CABLES1: variants seen among roughly 807,000 people sequenced by gnomAD.
CABLES1 encodes Cdk5 and Abl enzyme substrate 1.
CABLES1 carries 36 observed loss-of-function variants against 57.8 expected under a neutral mutation model. The ratio of observed to expected loss-of-function variants is 0.62; its 90% confidence interval spans 0.48 to 0.82. CABLES1 has a LOEUF of 0.82. Ranked by LOEUF, CABLES1 falls within the 40% of genes least tolerant of loss-of-function variation. The probability of loss-of-function intolerance (pLI) is 0.00; values close to 1 mark genes in which losing one functional copy is unlikely to be tolerated. For synonymous variants in CABLES1, 374 were observed against 363.0 expected, an observed-to-expected ratio of 1.03 and a Z score of -0.35; for missense variants, 767 against 836.6, an observed-to-expected ratio of 0.92 and a Z score of 1.03.
intron 1 of CABLES1, among the ~76,000 whole-genome samples, chr18:23,163,586 A>T (rs1187471696): frequency 6.6e-6 from 1 of 151,994 alleles, no homozygotes; most frequent in African/African-American, 2.4e-5. Flanking sequence ...TGGGGAGAGG[A>T]TTGGAGGAGA....
intron 8 of CABLES1, 44 bp from the exon 9 acceptor site, chr18:23,253,685 C>G: frequency 6.4e-7 from 1 of 1,550,452 alleles, no homozygotes; most frequent in Non-Finnish European, 8.8e-7. Flanking sequence ...CACTGAAACT[C>G]TAAGTTTTCA....
chr18:23,176,730 C>T (rs542252979), intron 1 of CABLES1, among the ~76,000 whole-genome samples: 1 of 152,098 alleles, frequency 6.6e-6, no homozygotes, highest in Non-Finnish European at 1.5e-5. Context: ...TGAAAAACTC[C>T]TAGAAAATAA....
chr18:23,203,710 T>TA (rs202180954), intron 3 of CABLES1, among the ~76,000 whole-genome samples: 1,970 of 151,560 alleles, frequency 0.013, 23 homozygotes, highest in Admixed American at 0.024. Flanking sequence ...TTTCAAAAAA[T>TA]AAAACGGCTC....
intron 7 of CABLES1, among the ~76,000 whole-genome samples, chr18:23,237,777 A>G (rs2047638953): frequency 6.6e-6 from 1 of 152,064 alleles, no homozygotes; most frequent in African/African-American, 2.4e-5. Flanking sequence ...CCTGTGTGTA[A>G]TTTTGGTTTC....
intron 1 of CABLES1, 144 bp downstream of exon 1, chr18:23,136,751 A>C: frequency 2.0e-6 from 1 of 504,568 alleles, no homozygotes; most frequent in Non-Finnish European, 3.2e-6. Context: ...CCGAATCCCA[A>C]ACCACGAGGG....
intron 2 of CABLES1, among the ~76,000 whole-genome samples, 168 bp from the exon 3 acceptor site, chr18:23,194,279 TA>T (rs1041606308): frequency 1.8e-4 from 27 of 152,324 alleles, no homozygotes; most frequent in African/African-American, 6.3e-4. Context: ...GGGCCTTTTT[TA>T]AGCTTCCTTG....
chr18:23,214,363 A>C (rs1446777046), intron 4 of CABLES1: 1 of 226,764 alleles, frequency 4.4e-6, no homozygotes, highest in Non-Finnish European at 8.6e-6. Flanking sequence ...GGCCATGCCA[A>C]CCTTTGGAAA....
intron 1 of CABLES1, among the ~76,000 whole-genome samples, chr18:23,165,499 T>G (rs551350055): frequency 5.3e-5 from 8 of 152,282 alleles, no homozygotes; most frequent in African/African-American, 1.9e-4. Context: ...ACTGAAACTC[T>G]GTGCGGGTTA....
At chr18:23,189,868 G>A (rs749420990) in intron 2 of CABLES1, among the ~76,000 whole-genome samples, 1 of 152,214 alleles carries the variant, frequency 6.6e-6, no homozygotes, top group Non-Finnish European at 1.5e-5. Flanking sequence ...TGTAGGCTCC[G>A]CCTGCATGAA....
chr18:23,179,745 G>A (rs189142587), intron 1 of CABLES1, among the ~76,000 whole-genome samples: 2 of 152,204 alleles, frequency 1.3e-5, no homozygotes, highest in Non-Finnish European at 2.9e-5. Flanking sequence ...CTTTAGATCC[G>A]TGGACAACAA....
intron 7 of CABLES1, among the ~76,000 whole-genome samples, chr18:23,242,419 G>A (rs766311670): frequency 5.9e-5 from 9 of 152,206 alleles, no homozygotes; most frequent in Non-Finnish European, 1.2e-4. Flanking sequence ...GGGTGATGGT[G>A]TGTCTCAGGG....
intron 1 of CABLES1, among the ~76,000 whole-genome samples, chr18:23,158,525 G>A (rs1024761949): frequency 1.3e-5 from 2 of 152,260 alleles, no homozygotes; most frequent in East Asian, 1.9e-4. Flanking sequence ...TCATTGCATC[G>A]TACACAGCCA....
chr18:23,146,746 T>C (rs1410399066), intron 1 of CABLES1, among the ~76,000 whole-genome samples: 1 of 99,870 alleles, frequency 1.0e-5, no homozygotes, highest in African/African-American at 4.5e-5. Context: ...AGCTGTTTTA[T>C]GGATTTGAAA....
chr18:23,227,916 T>A (rs1024580838), intron 4 of CABLES1, among the ~76,000 whole-genome samples: 1 of 152,206 alleles, frequency 6.6e-6, no homozygotes, highest in African/African-American at 2.4e-5. Flanking sequence ...TGTTGTCCTT[T>A]GAAGAGCTAG....
chr18:23,243,016 T>C (rs987728295), intron 7 of CABLES1, among the ~76,000 whole-genome samples: 4 of 150,734 alleles, frequency 2.7e-5, no homozygotes, highest in African/African-American at 9.7e-5. Context: ...AGTATAAATA[T>C]ATATTTATAA....
intron 3 of CABLES1, among the ~76,000 whole-genome samples, chr18:23,201,806 T>C (rs760609894): frequency 2.6e-5 from 4 of 152,116 alleles, no homozygotes; most frequent in African/African-American, 4.8e-5. Context: ...GATGAGATAA[T>C]GTGCCATGGA....
At chr18:23,232,429 T>A (rs939484212) in intron 4 of CABLES1, among the ~76,000 whole-genome samples, 1 of 152,142 alleles carries the variant, frequency 6.6e-6, no homozygotes, top group South Asian at 2.1e-4. Flanking sequence ...GTCCCCTCCC[T>A]CCCTGCCCAC....
At chr18:23,246,580 A>G (rs978591965) in intron 7 of CABLES1, among the ~76,000 whole-genome samples, 3 of 151,582 alleles carry the variant, frequency 2.0e-5, no homozygotes, top group Non-Finnish European at 4.4e-5. Flanking sequence ...TTTAGTAGAG[A>G]TGGGGTTTCA....
Position 23,211,978 on chromosome 18 carries a change from T to C in CABLES1, c.1011-1999T>C, listed in dbSNP as rs535202014. ...CCTTGACAGTCCACTCTGGACATGATGCTCTGTCCTTGACAGTGACCAGCG... is the reference window on the plus strand; with the variant it reads ...CCTTGACAGTCCACTCTGGACATGACGCTCTGTCCTTGACAGTGACCAGCG... On this transcript the variant is annotated intron_variant, in intron 3 of 9. Coordinates refer to ENST00000256925, the MANE Select transcript of CABLES1 (RefSeq NM_001100619.3). Among the ~76,000 whole-genome samples the C allele has an allele frequency of 1.6e-4, 25 of 152,344 alleles. 1 individual carries two copies. The South Asian group carries it at 4.1e-3, about 25-fold the overall frequency.
Sources: allele counts gnomAD v4.1 joint callset (sites outside exome capture counted in the v4.1 genomes callset), GRCh38; gene constraint gnomAD v4.1.1; transcripts MANE v1.5; gene names NCBI Gene and HGNC (gene_info 2026-07-23, HGNC 2026-07-21).